TNR: variants seen among roughly 807,000 people sequenced by gnomAD.
TNR encodes tenascin-R.
A neutral mutation model predicts 150.4 loss-of-function variants in TNR; 45 were observed. That is an observed-to-expected ratio of 0.30 (90% CI 0.24 to 0.38). The LOEUF is 0.38. Among genes scored for constraint, TNR ranks in the 10% least tolerant of loss-of-function variants. TNR has a pLI of 1.00. For missense variants in TNR, 1,544 were observed against 1,759.1 expected, an observed-to-expected ratio of 0.88 and a Z score of 2.19; for synonymous variants, 687 against 678.4, an observed-to-expected ratio of 1.01 and a Z score of -0.20.
intron 18 of TNR, among the ~76,000 whole-genome samples, chr1:175,344,964 TG>T (rs1296599708): frequency 4.0e-5 from 6 of 151,888 alleles, no homozygotes; most frequent in Non-Finnish European, 8.8e-5. Flanking sequence ...AAAAGTTAGC[TG>T]GGCGTAGTGG....
chr1:175,550,775 AG>A (rs1660907959), intron 1 of TNR, among the ~76,000 whole-genome samples: 2 of 151,970 alleles, frequency 1.3e-5, no homozygotes, highest in Non-Finnish European at 2.9e-5. Flanking sequence ...TGCAGGGAAC[AG>A]GAAAAAAAAA....
At chr1:175,640,101 G>T (rs1341638293) in intron 1 of TNR, among the ~76,000 whole-genome samples, 5 of 152,198 alleles carry the variant, frequency 3.3e-5, no homozygotes, top group Non-Finnish European at 7.4e-5. Flanking sequence ...AAAGCTTCTT[G>T]CATATTTGGA....
At chr1:175,497,778 G>A (rs1658549393) in intron 2 of TNR, among the ~76,000 whole-genome samples, 1 of 152,164 alleles carries the variant, frequency 6.6e-6, no homozygotes, top group Admixed American at 6.5e-5. Context: ...AACACCTCCT[G>A]GCTGGGCATG....
rs536136061 is a variant in TNR at position 175,604,016 on chromosome 1, C to T, written c.-164-75647G>A. On this transcript the variant is annotated intron_variant, in intron 1 of 22. Transcript: ENST00000367674. The stretch of plus-strand genomic sequence containing the variant: ...TTGCTGTGGGAGCACACCAGTGCTC[C>T]CACCATGAAGACCCATCAGACCCTG... Among the ~76,000 whole-genome samples, 5 of 152,188 alleles carry T rather than the reference C, an allele frequency of 3.3e-5. No individual in the cohort carries two copies. The East Asian group carries it at 7.7e-4, about 24-fold the overall frequency.
At chr1:175,465,756 C>T (rs963387969) in intron 2 of TNR, among the ~76,000 whole-genome samples, 14 of 59,722 alleles carry the variant, frequency 2.3e-4, no homozygotes, top group African/African-American at 1.0e-3. Context: ...CCTCTAGAAC[C>T]ATCACTGGCC....
chr1:175,595,943 A>G (rs1413484028), intron 1 of TNR, among the ~76,000 whole-genome samples: 3 of 151,500 alleles, frequency 2.0e-5, no homozygotes, highest in Non-Finnish European at 2.9e-5. Context: ...GAAATTAAAC[A>G]ACTTGTGGTG....
chr1:175,664,363 C>G (rs903818213), intron 1 of TNR, among the ~76,000 whole-genome samples: 4 of 152,158 alleles, frequency 2.6e-5, no homozygotes, highest in Non-Finnish European at 5.9e-5. Context: ...GGCCTCTTGC[C>G]AAACACCCAC....
intron 1 of TNR, among the ~76,000 whole-genome samples, chr1:175,714,715 C>T (rs905160369): frequency 2.0e-5 from 3 of 152,188 alleles, no homozygotes; most frequent in Non-Finnish European, 2.9e-5. Context: ...AATTACTGGC[C>T]CCCAATTCAT....
chr1:175,447,458 T>A (rs1201917434), intron 2 of TNR, among the ~76,000 whole-genome samples: 2 of 152,180 alleles, frequency 1.3e-5, no homozygotes, highest in Non-Finnish European at 2.9e-5. Flanking sequence ...CCGGCCCTTG[T>A]TTATGGCTAG....
rs1464419575 is a variant in TNR, at chr1:175,657,883, A to ATATATATGTG, written c.-165+85342_-165+85343insCACATATATA. 4.1e-3 allele frequency among the ~76,000 whole-genome samples: 410 copies of ATATATATGTG among 101,098 alleles called. 29 individuals carry two copies. Among genetic ancestry groups the ATATATATGTG allele is most frequent in the East Asian group, 7.4e-3 (31 of 4,182 alleles). 66.3% of individuals were successfully genotyped at this position (101,098 alleles called of 152,430 possible). A position where few individuals can be genotyped will look rare whatever the true frequency, so the allele number is the denominator to read the frequency against. On this transcript the variant is annotated intron_variant, in intron 1 of 22. Transcript: ENST00000367674. ...TATATATATATATATATATATATATATGTAACAAACCTGCACGTTGTGCAC... is the reference window on the plus strand; with the variant it reads ...TATATATATATATATATATATATATATATATATGTGTGTAACAAACCTGCACGTTGTGCAC...
chr1:175,492,711 G>A (rs2102141013), intron 2 of TNR, among the ~76,000 whole-genome samples: 1 of 152,276 alleles, frequency 6.6e-6, no homozygotes, highest in South Asian at 2.1e-4. Context: ...AATCCTACGT[G>A]GGTGTGTGTG....
At chr1:175,430,475 G>A (rs1043866919) in intron 2 of TNR, among the ~76,000 whole-genome samples, 1 of 152,058 alleles carries the variant, frequency 6.6e-6, no homozygotes, top group Non-Finnish European at 1.5e-5. Flanking sequence ...GCTATGTCCT[G>A]GAATATTTCC....
intron 1 of TNR, among the ~76,000 whole-genome samples, chr1:175,600,701 CTA>C (rs1663200424): frequency 6.6e-6 from 1 of 152,220 alleles, no homozygotes; most frequent in Non-Finnish European, 1.5e-5. Context: ...TGGCGTAGTG[CTA>C]TGTCTGCCTG....
intron 1 of TNR, among the ~76,000 whole-genome samples, chr1:175,610,684 G>A (rs1158021694): frequency 6.6e-6 from 1 of 152,212 alleles, no homozygotes; most frequent in Non-Finnish European, 1.5e-5. Flanking sequence ...TGAGATGCTT[G>A]CAGATCTTAT....
At chr1:175,702,254 G>A (rs1666718966) in intron 1 of TNR, among the ~76,000 whole-genome samples, 1 of 152,178 alleles carries the variant, frequency 6.6e-6, no homozygotes, top group Non-Finnish European at 1.5e-5. Flanking sequence ...GCAAATGTGA[G>A]TAAATCACAG....
At chr1:175,456,133 A>G (rs756726427) in intron 2 of TNR, among the ~76,000 whole-genome samples, 2 of 151,382 alleles carry the variant, frequency 1.3e-5, no homozygotes, top group Non-Finnish European at 2.9e-5. Flanking sequence ...TTTCCTGATG[A>G]CTCCTGAATA....
At chr1:175,478,835 A>T (rs935706201) in intron 2 of TNR, among the ~76,000 whole-genome samples, 4 of 152,156 alleles carry the variant, frequency 2.6e-5, no homozygotes, top group Non-Finnish European at 5.9e-5. Context: ...CTCTTATTAA[A>T]TTCTACTTAT....
chr1:175,354,287 C>T, intron 18 of TNR, 104 bp downstream of exon 18: 1 of 1,468,360 alleles, frequency 6.8e-7, no homozygotes, highest in Non-Finnish European at 9.1e-7. Context: ...GGCAACTGAG[C>T]TTTTTTGATA....
intron 19 of TNR, among the ~76,000 whole-genome samples, chr1:175,337,135 T>C (rs1650288556): frequency 6.6e-6 from 1 of 152,060 alleles, no homozygotes; most frequent in African/African-American, 2.4e-5. Context: ...CCTCAAGTCA[T>C]CACCCGCCTT....
Sources: allele counts gnomAD v4.1 joint callset (sites outside exome capture counted in the v4.1 genomes callset), GRCh38; gene constraint gnomAD v4.1.1; transcripts MANE v1.5; gene names NCBI Gene and HGNC (gene_info 2026-07-23, HGNC 2026-07-21).